The following PLEKHA8 variants were observed in gnomAD, a reference collection of about 807,000 sequenced individuals.
PLEKHA8 encodes the protein pleckstrin homology domain containing A8, also known as pleckstrin homology domain-containing family A member 8.
In PLEKHA8, 36 loss-of-function variants were observed where a neutral mutation model predicts 68.2. The ratio of observed to expected loss-of-function variants is 0.53; its 90% CI spans 0.40 to 0.70. PLEKHA8 has a LOEUF of 0.70. Among genes scored for constraint, PLEKHA8 ranks in the 30% least tolerant of loss-of-function variants. The pLI, the probability that PLEKHA8 is intolerant of heterozygous loss-of-function variation, is 0.00. For missense variants in PLEKHA8, 505 were observed against 615.4 expected, an observed-to-expected ratio of 0.82 and a Z score of 1.90; for synonymous variants, 211 against 216.1, an observed-to-expected ratio of 0.98 and a Z score of 0.20.
intron 1 of PLEKHA8, among the ~76,000 whole-genome samples, chr7:30,033,681 G>A (rs1790828923): frequency 1.3e-5 from 2 of 152,126 alleles, no homozygotes; most frequent in Admixed American, 1.3e-4. Flanking sequence ...GAGTGGAATT[G>A]CTGGAGTCCT....
rs1189524172 is a variant in PLEKHA8, at chr7:30,078,756, T to G, written c.1529T>G (p.Val510Gly). 3 of 1,613,536 alleles carry G rather than the reference T, an allele frequency of 1.9e-6. No homozygotes were observed. The South Asian group carries it at 3.3e-5, about 18-fold the overall frequency. The change falls in exon 14 of 14, where the codon GTC becomes GGC. Residue 510 changes from valine (V) to glycine (G), a missense_variant. Physicochemically the swap from Val to Gly is moderately radical, Grantham distance 109 (BLOSUM62 -3). Coordinates refer to ENST00000449726, the MANE Select transcript of PLEKHA8 (RefSeq NM_001197026.2). Reference protein sequence around the residue: ...QLAILDTLYEVHGLESDEVV With the variant: ...QLAILDTLYEGHGLESDEVV ...GCCATACTGGACACTTTATATGAGG[T>G]CCACGGGCTGGAATCTGATGAGGTG...
intron 9 of PLEKHA8, among the ~76,000 whole-genome samples, chr7:30,059,329 G>A (rs1793246971): frequency 6.6e-6 from 1 of 152,128 alleles, no homozygotes; most frequent in South Asian, 2.1e-4. Context: ...GCATGTACAT[G>A]CAAATTATGT....
At position 30,061,998 on chromosome 7, in the gene PLEKHA8, A is replaced by G. The variant is rs1793479366; in HGVS notation, c.1200A>G (p.Ser400=). 6.2e-7 allele frequency: 1 copy of G among 1,613,818 alleles called. No homozygotes were observed. Among genetic ancestry groups the G allele is most frequent in the African/African-American group, 1.3e-5 (1 of 75,020 alleles). The change falls in exon 11 of 14, where the codon TCA becomes TCG. Residue 400 remains serine (S), a synonymous_variant. Coordinates refer to ENST00000449726, the MANE Select transcript of PLEKHA8 (RefSeq NM_001197026.2). ...CGGATGTAGCCCAGGTTAGGAACTC[A>G]GCGACTGAAGCCCTCTTGTGGCTGA... ...VEADVAQVRN[S]ATEALLWLKR... is the part of the protein sequence containing the mutation.
chr7:30,051,804 C>A (rs1792431519), intron 6 of PLEKHA8, among the ~76,000 whole-genome samples: 1 of 152,080 alleles, frequency 6.6e-6, no homozygotes, highest in Non-Finnish European at 1.5e-5. Context: ...TGAAACCTGT[C>A]TCTACTAAAA....
chr7:30,052,164 G>C (rs1246030577), intron 6 of PLEKHA8, among the ~76,000 whole-genome samples: 1 of 152,186 alleles, frequency 6.6e-6, no homozygotes, highest in Non-Finnish European at 1.5e-5. Context: ...CTGGGGAGCA[G>C]GAAGATTGGG....
At chr7:30,036,272 A>C (rs1257917372) in intron 1 of PLEKHA8, among the ~76,000 whole-genome samples, 5 of 151,934 alleles carry the variant, frequency 3.3e-5, no homozygotes, top group Admixed American at 1.3e-4. Flanking sequence ...ACTCTGTTGC[A>C]AATAAATAAA....
Position 30,111,206 on chromosome 7 carries a change from AT to A in PLEKHA8, c.1363-18056del, listed in dbSNP as rs148496071. Among the ~76,000 whole-genome samples the A allele has an allele frequency of 3.3e-3, 505 of 152,076 alleles. 4 individuals carry two copies. The highest frequency in any genetic ancestry group is 0.012 in the African/African-American group (484 of 41,502). ...GCATGAGCCATCACACCTGGACCTTATTTTGAGTTTTAAGAGTTCTTTATAT... is the reference window on the plus strand; with the variant it reads ...GCATGAGCCATCACACCTGGACCTTATTTGAGTTTTAAGAGTTCTTTATAT... On this transcript the variant is annotated intron_variant, in intron 13 of 13. Transcript: ENST00000396257.
In PLEKHA8 at chr7:30,084,064, A is replaced by G. The variant is rs1438285463; in HGVS notation, c.*5277A>G. ...CACTAGAATGTCATTAAACAGCCCA[A>G]CTACCTCATGTGAAATTGGCTGTGG... is the stretch of plus-strand genomic sequence containing the variant. On this transcript the variant is annotated 3_prime_UTR_variant, in exon 14 of 14. Transcript: ENST00000449726. 1.0e-6 allele frequency: 1 copy of G among 985,464 alleles called. No individual in the cohort carries two copies. The highest frequency in any genetic ancestry group is 1.1e-4 in the East Asian group (1 of 8,818). 61.0% of individuals were successfully genotyped at this position (985,464 alleles called of 1,614,324 possible).
intron 13 of PLEKHA8, chr7:30,129,234 C>T: frequency 6.2e-7 from 1 of 1,612,796 alleles, no homozygotes; most frequent in South Asian, 1.1e-5. Context: ...GGCCTGTGTT[C>T]CTCTGTCCTT....
intron 9 of PLEKHA8, among the ~76,000 whole-genome samples, chr7:30,056,101 C>T (rs898537734): frequency 4.0e-5 from 6 of 150,958 alleles, no homozygotes; most frequent in African/African-American, 1.5e-4. Flanking sequence ...TGCCACCACA[C>T]CTGGCTAATT....
At chr7:30,105,027 C>CACA (rs1796008190) in intron 13 of PLEKHA8, among the ~76,000 whole-genome samples, 2 of 152,056 alleles carry the variant, frequency 1.3e-5, no homozygotes, top group South Asian at 4.1e-4. Flanking sequence ...CGCCCAGCCT[C>CACA]ACAACAGCTC....
At position 30,062,859 on chromosome 7, in the gene PLEKHA8, T is replaced by C. The variant is rs1015776418; in HGVS notation, c.1300+117T>C. 5 of 737,956 alleles carry C rather than the reference T, an allele frequency of 6.8e-6. No homozygotes were observed. In the Admixed American group the frequency reaches 1.0e-4, roughly 15 times the overall value. 45.7% of individuals were successfully genotyped at this position (737,956 alleles called of 1,614,324 possible). Reference sequence around the variant, plus strand: ...TTTTCAGAATTTGATTTTGTTTCTTTTCTTATTTCATTATTATTCATTGCT... The same window carrying C: ...TTTTCAGAATTTGATTTTGTTTCTTCTCTTATTTCATTATTATTCATTGCT... On this transcript the variant is annotated intron_variant, in intron 12 of 13. Coordinates refer to ENST00000449726, the MANE Select transcript of PLEKHA8 (RefSeq NM_001197026.2).
intron 1 of PLEKHA8, among the ~76,000 whole-genome samples, chr7:30,032,853 G>A (rs1482986177): frequency 4.6e-5 from 7 of 152,224 alleles, no homozygotes; most frequent in Admixed American, 2.6e-4. Flanking sequence ...CTGCTGTTGT[G>A]AACTCCAGCC....
At chr7:30,056,333 A>ATATATATAT (rs1562870122) in intron 9 of PLEKHA8, among the ~76,000 whole-genome samples, 1 of 102,534 alleles carries the variant, frequency 9.8e-6, no homozygotes, top group Non-Finnish European at 2.0e-5. Context: ...TATATATATA[A>ATATATATAT]ATAACATATA....
At chr7:30,045,045 CA>C in intron 1 of PLEKHA8, 39 bp from the exon 2 acceptor site, 2 of 1,410,358 alleles carry the variant, frequency 1.4e-6, no homozygotes, top group South Asian at 2.4e-5. Flanking sequence ...AGTTCATACA[CA>C]GGCAGTAATT....
intron 1 of PLEKHA8, among the ~76,000 whole-genome samples, chr7:30,036,457 T>TAGATAGAC (rs1554375840): frequency 7.0e-6 from 1 of 142,154 alleles, no homozygotes; most frequent in African/African-American, 2.6e-5. Context: ...GATAGATAGA[T>TAGATAGAC]AGATAGATTA....
chr7:30,072,426 A>G (rs1394778369), intron 12 of PLEKHA8, among the ~76,000 whole-genome samples: 2 of 152,392 alleles, frequency 1.3e-5, no homozygotes, highest in African/African-American at 4.8e-5. Context: ...GTATTAATAA[A>G]GCCTCACTCC....
chr7:30,115,624 A>G (rs1426695059), intron 13 of PLEKHA8, among the ~76,000 whole-genome samples: 1 of 150,844 alleles, frequency 6.6e-6, no homozygotes, highest in East Asian at 1.9e-4. Context: ...ATGCACACAT[A>G]CATGTACACA....
At chr7:30,095,826 T>G (rs1795593815) in intron 13 of PLEKHA8, among the ~76,000 whole-genome samples, 2 of 152,304 alleles carry the variant, frequency 1.3e-5, no homozygotes, top group Non-Finnish European at 2.9e-5. Flanking sequence ...TCAAAGATCA[T>G]ATAGTTGTAG....
Sources: allele counts gnomAD v4.1 joint callset (sites outside exome capture counted in the v4.1 genomes callset), GRCh38; gene constraint gnomAD v4.1.1; transcripts MANE v1.5; gene names NCBI Gene and HGNC (gene_info 2026-07-23, HGNC 2026-07-21).